Variants in OTOG observed in about 807,000 individuals in gnomAD.
OTOG encodes otogelin.
A neutral mutation model predicts 313.8 loss-of-function variants in OTOG; 296 were observed. The observed-to-expected ratio is 0.94, with a 90% CI of 0.86 to 1.04. The LOEUF (loss-of-function observed/expected upper bound fraction) is 1.04, where lower values mean the gene tolerates loss of function less well. Ranked by LOEUF, OTOG falls within the 50% of genes least tolerant of loss-of-function variation. The probability of loss-of-function intolerance (pLI) is 0.00; values close to 1 mark genes in which losing one functional copy is unlikely to be tolerated. For synonymous variants in OTOG, 1,533 were observed against 1,554.9 expected (o/e 0.99, Z 0.33); for missense variants, 3,948 against 3,840.1 (o/e 1.03, Z -0.74).
At chr11:17,634,310 G>A (rs1011726217) in intron 44 of OTOG, 29 bp downstream of exon 44, 16 of 1,542,764 alleles carry the variant, frequency 1.0e-5, no homozygotes, top group Admixed American at 3.9e-5. Flanking sequence ...TTCCTTGGAC[G>A]TCAACTGTAA....
At chr11:17,604,549 C>T (rs1176376182) in intron 32 of OTOG, among the ~76,000 whole-genome samples, 1 of 152,250 alleles carries the variant, frequency 6.6e-6, no homozygotes, top group Non-Finnish European at 1.5e-5. Context: ...GTCAGTGTGA[C>T]TCTGGGCCTC....
Position 17,599,706 on chromosome 11 carries a change from C to G in OTOG, c.3709+9C>G, listed in dbSNP as rs1305040970. 2 of 1,550,556 alleles carry G rather than the reference C, an allele frequency of 1.3e-6. No homozygotes were observed. The highest frequency in any genetic ancestry group is 1.7e-6 in the Non-Finnish European group (2 of 1,146,922). The stretch of plus-strand genomic sequence containing the variant: ...TGACTTCTTTAACAAAGGTAAGCCC[C>G]TCCTCCCCACGCAGAGTCTCAGGGG... On this transcript the variant is annotated intron_variant, in intron 31 of 55. Coordinates refer to ENST00000399397, the MANE Select transcript of OTOG (RefSeq NM_001292063.2).
At position 17,558,231 on chromosome 11, in the gene OTOG, G is replaced by C; in HGVS notation, c.912G>C (p.Glu304Asp). The part of the protein sequence containing the change: ...DVVEFVHSWQ[E>D]QAPNQPPGPT... ...TTGAGTTTGTGCACAGCTGGCAGGA[G>C]CAGGCCCCTAACCAGCCTCCAGGGC... is the stretch of plus-strand genomic sequence containing the variant. The change falls in exon 9 of 56, where the codon GAG becomes GAC. Residue 304 changes from glutamate (E) to aspartate (D), a missense_variant. Glu to Asp is a conservative substitution (Grantham distance 45, BLOSUM62 2). Transcript: ENST00000399397. The C allele has an allele frequency of 6.4e-7, 1 of 1,550,532 alleles. No homozygotes were observed. Among genetic ancestry groups the C allele is most frequent in the Non-Finnish European group, 8.7e-7 (1 of 1,146,946 alleles).
At chr11:17,560,329 G>C (rs565477290) in intron 12 of OTOG, among the ~76,000 whole-genome samples, 15 of 152,306 alleles carry the variant, frequency 9.8e-5, no homozygotes, top group African/African-American at 3.1e-4. Flanking sequence ...GCTCAGGGGA[G>C]TTCAGATAAG....
chr11:17,613,183 TTTCTTTCTTTCTTTTCTTTC>T (rs1853611265), intron 38 of OTOG, among the ~76,000 whole-genome samples: 1 of 97,758 alleles, frequency 1.0e-5, no homozygotes, highest in Admixed American at 9.2e-5. Context: ...TCTTTCTTTC[TTTCTTTCTTTCTTTTCTTTC>T]TTTCTTTCTT....
At chr11:17,633,589 C>A in intron 42 of OTOG, 91 bp from the exon 43 acceptor site, 1 of 1,225,126 alleles carries the variant, frequency 8.2e-7, no homozygotes, top group Non-Finnish European at 1.1e-6. Context: ...CACTCTGAGC[C>A]CTCTCCTCAT....
chr11:17,605,370 A>G (rs1853356522), intron 32 of OTOG, among the ~76,000 whole-genome samples: 1 of 152,098 alleles, frequency 6.6e-6, no homozygotes, highest in African/African-American at 2.4e-5. Context: ...GGCCCTGTGG[A>G]ATTCTGTGAG....
Position 17,640,759 on chromosome 11 carries a change from G to A in OTOG, c.7950G>A (p.Gln2650=). The A allele has an allele frequency of 6.5e-7, 1 of 1,550,038 alleles. No homozygotes were observed. The highest frequency in any genetic ancestry group is 8.7e-7 in the Non-Finnish European group (1 of 1,146,994). Residue 2650 remains glutamine, a synonymous_variant, in exon 50 of 56, where the codon CAG becomes CAA. Coordinates refer to ENST00000399397, the MANE Select transcript of OTOG (RefSeq NM_001292063.2). ...GCCCCACCCAGTGGGAGAAATCCCA[G>A]CTGGATGAGGAGTTCATGCACAGCG... is the stretch of plus-strand genomic sequence containing the variant. ...VPRCHLWEKS[Q]LDEEFMHSVE... is the part of the protein sequence containing the mutation.
At position 17,560,599 on chromosome 11, in the gene OTOG, G is replaced by A. The variant is rs111596353; in HGVS notation, c.1343-110G>A. ...AGGAGAAAGTTTGGAAGTCGGTTCAGAGATGAAAGAAGTTAGATAAGGGGA... is the reference window on the plus strand; with the variant it reads ...AGGAGAAAGTTTGGAAGTCGGTTCAAAGATGAAAGAAGTTAGATAAGGGGA... On this transcript the variant is annotated intron_variant, in intron 12 of 55. Transcript: ENST00000399397. The A allele has an allele frequency of 7.8e-4, 606 of 776,318 alleles. 3 individuals carry two copies. The African/African-American group carries it at 8.7e-3, about 11-fold the overall frequency. 48.1% of individuals were successfully genotyped at this position (776,318 alleles called of 1,614,324 possible).
Position 17,591,447 on chromosome 11 carries a change from C to T in OTOG, c.2868-3C>T, listed in dbSNP as rs565665118. The T allele has an allele frequency of 1.8e-4, 284 of 1,550,670 alleles. 1 individual carries two copies. In the African/African-American group the frequency reaches 3.6e-3, roughly 19 times the overall value. On this transcript the variant is annotated splice_polypyrimidine_tract_variant and splice_region_variant and intron_variant, in intron 24 of 55. Transcript: ENST00000399397. The stretch of plus-strand genomic sequence containing the variant: ...TGATCTGGTCTGGGCATGTGTTTTT[C>T]AGTGTGTGCCAGCGGGGCTCATTCC...
rs745773947 is a variant in OTOG at position 17,605,917 on chromosome 11, C to T, written c.3938C>T (p.Ala1313Val). ...DRPNFFLHVT[A>V]NGSLELAKWQ... is the part of the protein sequence containing the mutation. ...CCCAACTTCTTCCTTCACGTCACAG[C>T]CAACGGGTCTCTGGAGCTGGCTAAG... is the stretch of plus-strand genomic sequence containing the variant. The change falls in exon 33 of 56, where the codon GCC (alanine) becomes GTC (valine). Residue 1313 changes from alanine (A) to valine (V), a missense_variant. Physicochemically the swap from Ala to Val is moderately conservative, Grantham distance 64 (BLOSUM62 0). Transcript: ENST00000399397. 1 of 1,550,508 alleles carries T rather than the reference C, an allele frequency of 6.4e-7. No homozygotes were observed. Among genetic ancestry groups the T allele is most frequent in the South Asian group, 1.2e-5 (1 of 84,056 alleles).
At chr11:17,562,683 AT>A (rs1191309195) in intron 15 of OTOG, among the ~76,000 whole-genome samples, 1 of 152,212 alleles carries the variant, frequency 6.6e-6, no homozygotes, top group East Asian at 1.9e-4. Flanking sequence ...GGAATTCCTG[AT>A]CATGGAGTGG....
chr11:17,634,996 G>C lies in OTOG; in HGVS notation c.7585+48G>C, dbSNP rs908181135. 14 of 1,536,856 alleles carry C rather than the reference G, an allele frequency of 9.1e-6. No individual in the cohort carries two copies. In the South Asian group the frequency reaches 9.6e-5, roughly 11 times the overall value. On this transcript the variant is annotated intron_variant, in intron 45 of 55. Coordinates refer to ENST00000399397, the MANE Select transcript of OTOG (RefSeq NM_001292063.2). The stretch of plus-strand genomic sequence containing the variant: ...GGTGGGGGACGGACTGAGGGCAGTG[G>C]GGGGAGGACAGCTCTGGGGGCAGGG...
intron 28 of OTOG, among the ~76,000 whole-genome samples, chr11:17,595,066 A>T (rs141675447): frequency 4.6e-5 from 7 of 152,152 alleles, no homozygotes; most frequent in South Asian, 4.1e-4. Flanking sequence ...CCCTGCTGGG[A>T]AGTACACGGA....
chr11:17,610,025 G>A lies in OTOG; in HGVS notation c.4725G>A (p.Gln1575=). The A allele has an allele frequency of 6.5e-7, 1 of 1,548,106 alleles. No homozygotes were observed. The highest frequency in any genetic ancestry group is 1.2e-5 in the South Asian group (1 of 83,830). The change falls in exon 36 of 56, where the codon CAG becomes CAA. Residue 1575 remains glutamine, a synonymous_variant. Transcript: ENST00000399397. ...PESSSLPVAL[Q]TPTPGMVSGA... is the part of the protein sequence containing the mutation. ...CCTCATCCCTCCCTGTTGCACTGCA[G>A]ACACCCACACCTGGCATGGTGTCAG...
At chr11:17,584,588 C>G (rs1852751053) in intron 23 of OTOG, among the ~76,000 whole-genome samples, 1 of 151,704 alleles carries the variant, frequency 6.6e-6, no homozygotes, top group South Asian at 2.1e-4. Flanking sequence ...TGCAGTGCCT[C>G]AATCTTGACT....
Position 17,569,206 on chromosome 11 carries a change from C to T in OTOG, c.1695C>T (p.Asp565=), listed in dbSNP as rs1852354939. 1.9e-6 allele frequency: 3 copies of T among 1,550,496 alleles called. No homozygotes were observed. Among genetic ancestry groups the T allele is most frequent in the African/African-American group, 1.4e-5 (1 of 73,034 alleles). Residue 565 remains aspartate, a synonymous_variant, in exon 16 of 56, where the codon GAC becomes GAT. Transcript: ENST00000399397. ...CAGTGTCAGTGATTCTGCACCAGGA[C>T]CCTCGGAGGCAGGTGACCCTGACCC... ...VQSVSVILHQ[D]PRRQVTLTQA... is the part of the protein sequence containing the mutation.
At position 17,602,195 on chromosome 11, in the gene OTOG, G is replaced by A. The variant is rs1853271609; in HGVS notation, c.3710-15G>A. On this transcript the variant is annotated splice_polypyrimidine_tract_variant and intron_variant, in intron 31 of 55. Coordinates refer to ENST00000399397, the MANE Select transcript of OTOG (RefSeq NM_001292063.2). ...GCCATGGGGCCAGGTTGCTGATGGG[G>A]CCTCTTCTCTCCAGTGCTAGGTAAG... 3 of 1,549,118 alleles carry A rather than the reference G, an allele frequency of 1.9e-6. No homozygotes were observed. Among genetic ancestry groups the A allele is most frequent in the South Asian group, 1.2e-5 (1 of 83,992 alleles).
chr11:17,609,706 T>C lies in OTOG; in HGVS notation c.4406T>C (p.Leu1469Pro). 1 of 1,528,910 alleles carries C rather than the reference T, an allele frequency of 6.5e-7. No individual in the cohort carries two copies. The highest frequency in any genetic ancestry group is 8.8e-7 in the Non-Finnish European group (1 of 1,135,706). The allele number at this position is 1,528,910 out of a possible 1,614,324, so 94.7% of individuals were successfully genotyped here. ...VPTEALGNETLPPSQGLPTPS... is the reference protein window; with the variant it reads ...VPTEALGNETPPPSQGLPTPS... ...ACAGAGGCCCTTGGCAATGAGACCC[T>C]CCCTCCCAGTCAAGGGTTGCCCACT... Residue 1469 changes from leucine (L) to proline (P), a missense_variant, in exon 36 of 56, where the codon CTC (leucine) becomes CCC (proline). By Grantham distance (98) the Leu-to-Pro change is moderately conservative. Coordinates refer to ENST00000399397, the MANE Select transcript of OTOG (RefSeq NM_001292063.2).
Sources: allele counts gnomAD v4.1 joint callset (sites outside exome capture counted in the v4.1 genomes callset), GRCh38; gene constraint gnomAD v4.1.1; transcripts MANE v1.5; gene names NCBI Gene and HGNC (gene_info 2026-07-23, HGNC 2026-07-21).